The following GPC5 variants were observed in gnomAD, a reference collection of about 807,000 sequenced individuals.
The protein encoded by GPC5 is glypican 5, also known as glypican-5.
GPC5 carries 47 observed loss-of-function variants against 53.9 expected under a neutral mutation model. The observed-to-expected ratio is 0.87, with a 90% CI of 0.69 to 1.11. The LOEUF is 1.11. GPC5 is among the 50% of genes most tolerant of loss of function. The probability of loss-of-function intolerance (pLI) is 0.00; values close to 1 mark genes in which losing one functional copy is unlikely to be tolerated. For missense variants in GPC5, 748 were observed against 713.1 expected (o/e 1.05, Z -0.56); for synonymous variants, 286 against 263.3 (o/e 1.09, Z -0.84).
chr13:92,375,967 C>T (rs368062110), intron 7 of GPC5, among the ~76,000 whole-genome samples: 56 of 152,038 alleles, frequency 3.7e-4, no homozygotes, highest in African/African-American at 1.3e-3. Flanking sequence ...AGGTTTTTTG[C>T]GGAGCTATGC....
chr13:92,123,831 A>G (rs1254722079), intron 6 of GPC5, among the ~76,000 whole-genome samples: 2 of 152,210 alleles, frequency 1.3e-5, no homozygotes, highest in Non-Finnish European at 2.9e-5. Context: ...CAAAGCATAC[A>G]TTACCAAATA....
At chr13:91,488,642 A>G (rs1883751440) in intron 2 of GPC5, among the ~76,000 whole-genome samples, 1 of 152,132 alleles carries the variant, frequency 6.6e-6, no homozygotes. Context: ...CTTTACTTTA[A>G]TCTCTTAATC....
intron 7 of GPC5, among the ~76,000 whole-genome samples, chr13:92,432,565 C>T (rs1165823521): frequency 3.3e-5 from 5 of 149,710 alleles, no homozygotes; most frequent in African/African-American, 4.9e-5. Context: ...TAAATAGAGA[C>T]GTGATTTCGC....
intron 7 of GPC5, among the ~76,000 whole-genome samples, chr13:92,196,710 G>T (rs1317203967): frequency 6.6e-6 from 1 of 152,166 alleles, no homozygotes; most frequent in East Asian, 1.9e-4. Context: ...AACATCAAAA[G>T]CTGTAACTCT....
intron 6 of GPC5, among the ~76,000 whole-genome samples, chr13:91,963,631 G>A (rs1347464712): frequency 6.6e-6 from 1 of 152,118 alleles, no homozygotes; most frequent in Non-Finnish European, 1.5e-5. Flanking sequence ...GAAGCTTAAT[G>A]TACAAAATGC....
chr13:91,539,276 C>G (rs544679162), intron 2 of GPC5, among the ~76,000 whole-genome samples: 8 of 152,242 alleles, frequency 5.3e-5, no homozygotes, highest in African/African-American at 1.9e-4. Context: ...TAGAAACTCA[C>G]ATTCACTTAA....
chr13:92,438,593 C>T (rs1453878312), intron 7 of GPC5, among the ~76,000 whole-genome samples: 1 of 151,866 alleles, frequency 6.6e-6, no homozygotes, highest in African/African-American at 2.4e-5. Context: ...GTAATCCTGG[C>T]TTTAACATTC....
At chr13:92,458,052 A>G (rs1878339783) in intron 7 of GPC5, among the ~76,000 whole-genome samples, 1 of 152,128 alleles carries the variant, frequency 6.6e-6, no homozygotes, top group Admixed American at 6.6e-5. Context: ...GACTGATTCC[A>G]TCTTTAGTAA....
chr13:92,082,312 C>T (rs1188913729), intron 6 of GPC5, among the ~76,000 whole-genome samples: 6 of 152,186 alleles, frequency 3.9e-5, no homozygotes, highest in African/African-American at 9.6e-5. Flanking sequence ...AAGTAGGGCA[C>T]AACCCCAAAA....
chr13:92,047,344 A>G (rs2040990417), intron 6 of GPC5, among the ~76,000 whole-genome samples: 1 of 152,126 alleles, frequency 6.6e-6, no homozygotes, highest in African/African-American at 2.4e-5. Flanking sequence ...GATGGGTTCC[A>G]GTAATGAAAA....
intron 5 of GPC5, among the ~76,000 whole-genome samples, chr13:91,854,635 A>G (rs2038948043): frequency 6.6e-6 from 1 of 151,696 alleles, no homozygotes; most frequent in South Asian, 2.1e-4. Flanking sequence ...AAGATTCTGA[A>G]AATTTCAACC....
intron 7 of GPC5, among the ~76,000 whole-genome samples, chr13:92,538,474 T>A (rs79033327): frequency 2.0e-5 from 3 of 150,876 alleles, no homozygotes; most frequent in Admixed American, 1.3e-4. Flanking sequence ...TTTTTTTTTT[T>A]AATTACACTT....
intron 7 of GPC5, among the ~76,000 whole-genome samples, chr13:92,524,556 T>C (rs1881202786): frequency 6.6e-6 from 1 of 152,086 alleles, no homozygotes; most frequent in South Asian, 2.1e-4. Context: ...CTATGTATAA[T>C]CAAAAGAACA....
At chr13:91,990,731 C>T (rs1289089072) in intron 6 of GPC5, among the ~76,000 whole-genome samples, 2 of 152,158 alleles carry the variant, frequency 1.3e-5, no homozygotes, top group African/African-American at 2.4e-5. Flanking sequence ...ATATTGCTCA[C>T]GCAGTCAGAG....
intron 3 of GPC5, among the ~76,000 whole-genome samples, chr13:91,701,561 G>T (rs1266967536): frequency 6.6e-6 from 1 of 151,976 alleles, no homozygotes; most frequent in Non-Finnish European, 1.5e-5. Flanking sequence ...GTGTGTGTGT[G>T]TGTGTGTGTG....
At chr13:92,253,534 T>C (rs1326385952) in intron 7 of GPC5, among the ~76,000 whole-genome samples, 2 of 152,060 alleles carry the variant, frequency 1.3e-5, no homozygotes, top group South Asian at 2.1e-4. Flanking sequence ...GTAGTGGAGA[T>C]CAAATGCACC....
intron 2 of GPC5, among the ~76,000 whole-genome samples, chr13:91,601,342 G>C (rs1418602076): frequency 6.6e-6 from 1 of 152,136 alleles, no homozygotes; most frequent in African/African-American, 2.4e-5. Flanking sequence ...GCATAGAAGT[G>C]GATGCTTAAA....
At chr13:92,048,637 G>T (rs1416940259) in intron 6 of GPC5, among the ~76,000 whole-genome samples, 1 of 152,168 alleles carries the variant, frequency 6.6e-6, no homozygotes, top group Admixed American at 6.5e-5. Flanking sequence ...TGACTTCTAT[G>T]ATTCTTATAC....
chr13:92,229,394 G>A (rs932301896), intron 7 of GPC5, among the ~76,000 whole-genome samples: 32 of 151,924 alleles, frequency 2.1e-4, no homozygotes, highest in Non-Finnish European at 4.7e-4. Context: ...ATTGAGAGAT[G>A]GAACAAAAAT....
Sources: allele counts gnomAD v4.1 joint callset (sites outside exome capture counted in the v4.1 genomes callset), GRCh38; gene constraint gnomAD v4.1.1; transcripts MANE v1.5; gene names NCBI Gene and HGNC (gene_info 2026-07-23, HGNC 2026-07-21).